Variants in ESPL1 observed in about 807,000 individuals in gnomAD.
ESPL1 encodes the protein separin.
In ESPL1, 50 loss-of-function variants were observed where a neutral mutation model predicts 217.2. The observed-to-expected ratio is 0.23, with a 90% CI of 0.18 to 0.29. The LOEUF (loss-of-function observed/expected upper bound fraction) is 0.29. Among genes scored for constraint, ESPL1 ranks in the 10% least tolerant of loss-of-function variants. The probability of loss-of-function intolerance (pLI) is 1.00; values close to 1 mark genes in which losing one functional copy is unlikely to be tolerated. For missense variants in ESPL1, 1,834 were observed against 2,603.0 expected, an observed-to-expected ratio of 0.70 and a Z score of 6.43; for synonymous variants, 994 against 1,081.3, an observed-to-expected ratio of 0.92 and a Z score of 1.58.
rs1378606568 is a variant in ESPL1, at chr12:53,281,562, C to T, written c.2555C>T (p.Thr852Ile). The T allele has an allele frequency of 1.9e-6, 3 of 1,613,678 alleles. No homozygotes were observed. The Admixed American group carries it at 5.0e-5, about 27-fold the overall frequency. ...AAGCATCTCGATCAGACTACTGACA[C>T]ATACCTGCTCCTTTCCCTGACCTGT... ...SLKHLDQTTDTYLLLSLTCDL... is the reference protein window; with the variant it reads ...SLKHLDQTTDIYLLLSLTCDL... The change falls in exon 13 of 31, where the codon ACA becomes ATA. Residue 852 changes from threonine (T) to isoleucine (I), a missense_variant. Physicochemically the swap from Thr to Ile is moderately conservative, Grantham distance 89. Coordinates refer to ENST00000257934, the MANE Select transcript of ESPL1 (RefSeq NM_012291.5).
Position 53,292,482 on chromosome 12 carries a change from G to A in ESPL1, c.5912+89G>A. 7.2e-7 allele frequency: 1 copy of A among 1,386,214 alleles called. No individual in the cohort carries two copies. Among genetic ancestry groups the A allele is most frequent in the Non-Finnish European group, 1.0e-6 (1 of 972,952 alleles). 85.9% of individuals were successfully genotyped at this position (1,386,214 alleles called of 1,614,324 possible). Reference sequence around the variant, plus strand: ...CTTTTCTCCAGAAACAGCTGTTGCAGCCCACCTTCTATCTAATGATCCCTC... The same window carrying A: ...CTTTTCTCCAGAAACAGCTGTTGCAACCCACCTTCTATCTAATGATCCCTC... On this transcript the variant is annotated intron_variant, in intron 28 of 30. Transcript: ENST00000257934. The surrounding 1 kb of genome is among the most constrained non-coding windows in gnomAD (Gnocchi z 4.5).
intron 9 of ESPL1, 56 bp from the exon 10 acceptor site, chr12:53,277,414 A>G (rs575152487): frequency 6.3e-7 from 1 of 1,581,532 alleles, no homozygotes; most frequent in South Asian, 1.1e-5. Flanking sequence ...CCGAGTAGCC[A>G]GGACGATAGG....
intron 3 of ESPL1, 80 bp downstream of exon 3, chr12:53,270,165 A>G: frequency 7.8e-7 from 1 of 1,274,668 alleles, no homozygotes. Flanking sequence ...CAAGATCTGG[A>G]GGTCCTGGCT....
intron 12 of ESPL1, 42 bp downstream of exon 12, chr12:53,279,908 C>G: frequency 1.3e-6 from 2 of 1,505,644 alleles, no homozygotes; most frequent in Non-Finnish European, 1.8e-6. Context: ...GCAGGGGGCC[C>G]GTAGCTTTAG....
rs1350515196 is a variant in ESPL1 at position 53,290,329 on chromosome 12, C to T, written c.5242-18C>T. ...ATCACGTGGACAAGCAGAGCTCTCA[C>T]AGCCCCATCTCCCAAAGCTTCATCT... On this transcript the variant is annotated intron_variant, in intron 23 of 30. Transcript: ENST00000257934. 5.6e-6 allele frequency: 9 copies of T among 1,611,756 alleles called. No homozygotes were observed. The highest frequency in any genetic ancestry group is 7.6e-6 in the Non-Finnish European group (9 of 1,180,014).
chr12:53,276,610 CCTCT>C lies in ESPL1; in HGVS notation c.1701-6_1701-3del. 1 of 1,600,670 alleles carries C rather than the reference CCTCT, an allele frequency of 6.2e-7. No individual in the cohort carries two copies. Among genetic ancestry groups the C allele is most frequent in the Non-Finnish European group, 8.5e-7 (1 of 1,173,930 alleles). Reference sequence around the variant, plus strand: ...GGTTCCACCCTGGTGCTGAGCATGCCCTCTCTCAGGACTCTGCGAGACAGCCTCA... The same window carrying C: ...GGTTCCACCCTGGTGCTGAGCATGCCCTCAGGACTCTGCGAGACAGCCTCA... On this transcript the variant is annotated splice_region_variant and splice_polypyrimidine_tract_variant and intron_variant, in intron 7 of 30. Coordinates refer to ENST00000257934, the MANE Select transcript of ESPL1 (RefSeq NM_012291.5).
In ESPL1 at chr12:53,288,650, C is replaced by T. The variant is rs767195623; in HGVS notation, c.4659C>T (p.Asp1553=). 2 of 1,613,812 alleles carry T rather than the reference C, an allele frequency of 1.2e-6. No individual in the cohort carries two copies. The highest frequency in any genetic ancestry group is 2.7e-5 in the African/African-American group (2 of 74,926). The change falls in exon 20 of 31, where the codon GAC becomes GAT. Residue 1553 remains aspartate, a synonymous_variant. Transcript: ENST00000257934. ...GCCCATGCCCAGACAAGGAGAGTGA[C>T]AAGGACCTTGGTCCTCGGCTCCGGC... ...LPSPCPDKES[D]KDLGPRLRLP... is the part of the protein sequence containing the mutation.
chr12:53,270,971 A>T (rs1943659782), intron 5 of ESPL1, among the ~76,000 whole-genome samples, 173 bp downstream of exon 5: 1 of 152,198 alleles, frequency 6.6e-6, no homozygotes, highest in Admixed American at 6.5e-5. Context: ...ACCAGTAGAG[A>T]AGTGATGAAG....
At chr12:53,268,974 A>C in intron 2 of ESPL1, 50 bp from the exon 3 acceptor site, 5 of 1,529,822 alleles carry the variant, frequency 3.3e-6, no homozygotes, top group Middle Eastern at 1.7e-4. Flanking sequence ...TACTTTCTCT[A>C]CCTCTTTCCT....
At chr12:53,287,109 G>T (rs1250623920) in intron 18 of ESPL1, 197 bp downstream of exon 18, 4 of 495,130 alleles carry the variant, frequency 8.1e-6, no homozygotes, top group Non-Finnish European at 1.4e-5. Flanking sequence ...GTCTCGCTCT[G>T]TCGCCCAGGC....
intron 11 of ESPL1, among the ~76,000 whole-genome samples, chr12:53,278,657 T>C (rs1256861472): frequency 2.0e-5 from 3 of 150,828 alleles, no homozygotes; most frequent in African/African-American, 7.3e-5. Flanking sequence ...AGTGGCGCAA[T>C]CTGGGCTCAC....
chr12:53,272,663 G>A, intron 5 of ESPL1, 58 bp from the exon 6 acceptor site: 1 of 1,571,192 alleles, frequency 6.4e-7, no homozygotes, highest in Non-Finnish European at 8.7e-7. Flanking sequence ...TGCCTCTCCA[G>A]GAGGAGAGGG....
chr12:53,293,083 T>C lies in ESPL1; in HGVS notation c.6161+113T>C. ...CTTGTGCCCCATTTTCCTCCTATCC[T>C]AGTTAGTTCCCTGGCATGCCTGGAC... is the stretch of plus-strand genomic sequence containing the variant. On this transcript the variant is annotated intron_variant, in intron 30 of 30. Transcript: ENST00000257934. This position sits in a 1 kb window ranked among gnomAD's most constrained non-coding sequence, Gnocchi z 4.2. 8.9e-7 allele frequency: 1 copy of C among 1,119,978 alleles called. No individual in the cohort carries two copies. Among genetic ancestry groups the C allele is most frequent in the Admixed American group, 2.3e-5 (1 of 43,646 alleles). 69.4% of individuals were successfully genotyped at this position (1,119,978 alleles called of 1,614,324 possible).
In ESPL1 at chr12:53,291,527, G is replaced by A. The variant is rs181507788; in HGVS notation, c.5521-163G>A. 5.1e-3 allele frequency among the ~76,000 whole-genome samples: 771 copies of A among 152,152 alleles called. 2 individuals are homozygous for A. Among genetic ancestry groups the A allele is most frequent in the African/African-American group, 0.018 (728 of 41,508 alleles). ...AATCGCTTGAACCTGGGAGGTGGAG[G>A]TTGCAGTGAGCTGAGATTGCGCCAC... On this transcript the variant is annotated intron_variant, in intron 25 of 30. Coordinates refer to ENST00000257934, the MANE Select transcript of ESPL1 (RefSeq NM_012291.5).
At chr12:53,279,972 C>T in intron 12 of ESPL1, 106 bp downstream of exon 12, 1 of 1,282,260 alleles carries the variant, frequency 7.8e-7, no homozygotes, top group Non-Finnish European at 1.1e-6. Flanking sequence ...CGGCCTTTTA[C>T]CACCACAACT....
chr12:53,270,492 G>A lies in ESPL1; in HGVS notation c.1248+10G>A. 1 of 1,598,732 alleles carries A rather than the reference G, an allele frequency of 6.3e-7. No individual in the cohort carries two copies. Among genetic ancestry groups the A allele is most frequent in the Non-Finnish European group, 8.6e-7 (1 of 1,166,030 alleles). ...TGCCCAAGGCTGTCAGGTACTGTCTGGGAATCAAGGTACCTGGACTAGGCT... is the reference window on the plus strand; with the variant it reads ...TGCCCAAGGCTGTCAGGTACTGTCTAGGAATCAAGGTACCTGGACTAGGCT... On this transcript the variant is annotated intron_variant, in intron 4 of 30. Coordinates refer to ENST00000257934, the MANE Select transcript of ESPL1 (RefSeq NM_012291.5).
rs1166534084 is a variant in ESPL1, at chr12:53,289,714, A to G, written c.5113+120A>G. ...CATAGATTTATGACCCTTATGTCAT[A>G]CCTTTTCACCTGTTAGCATCTTACA... On this transcript the variant is annotated intron_variant, in intron 22 of 30. Coordinates refer to ENST00000257934, the MANE Select transcript of ESPL1 (RefSeq NM_012291.5). The G allele has an allele frequency of 3.8e-6, 3 of 799,806 alleles. No individual in the cohort carries two copies. The African/African-American group carries it at 5.2e-5, about 14-fold the overall frequency. 49.5% of individuals were successfully genotyped at this position (799,806 alleles called of 1,614,324 possible). A position where few individuals can be genotyped will look rare whatever the true frequency, so the allele number is the denominator to read the frequency against.
At position 53,291,014 on chromosome 12, in the gene ESPL1, G is replaced by A. The variant is rs184375271; in HGVS notation, c.5520+18G>A. On this transcript the variant is annotated intron_variant, in intron 25 of 30. Coordinates refer to ENST00000257934, the MANE Select transcript of ESPL1 (RefSeq NM_012291.5). ...TGCTGAAAGTGAGTGAGGAAAGCAG[G>A]GAAGGGGGCCAGGCCCAGTGGCTTG... is the stretch of plus-strand genomic sequence containing the variant. The A allele has an allele frequency of 1.6e-4, 257 of 1,562,496 alleles. No individual in the cohort carries two copies. The African/African-American group carries it at 3.3e-3, about 20-fold the overall frequency.
intron 5 of ESPL1, among the ~76,000 whole-genome samples, chr12:53,271,944 G>T (rs988318870): frequency 6.6e-6 from 1 of 151,538 alleles, no homozygotes; most frequent in East Asian, 2.0e-4. Context: ...AAAATTAGCC[G>T]GGCGTGGTGG....
Sources: allele counts gnomAD v4.1 joint callset (sites outside exome capture counted in the v4.1 genomes callset), GRCh38; gene constraint gnomAD v4.1.1; non-coding constraint Gnocchi (gnomAD v3.1); transcripts MANE v1.5; gene names NCBI Gene and HGNC (gene_info 2026-07-23, HGNC 2026-07-21).